The following LOX variants were observed in gnomAD, a reference collection of about 807,000 sequenced individuals.
LOX encodes the protein lysyl oxidase, also known as protein-lysine 6-oxidase.
In LOX, 12 loss-of-function variants were observed where a neutral mutation model predicts 50.5. That is an observed-to-expected ratio of 0.24 (90% CI 0.15 to 0.38). LOX has a LOEUF of 0.38. Among genes scored for constraint, LOX ranks in the 10% least tolerant of loss-of-function variants. The pLI is 1.00. For synonymous variants in LOX, 254 were observed against 230.6 expected (o/e 1.10, Z -0.92); for missense variants, 504 against 563.8 (o/e 0.89, Z 1.07).
At chr5:122,068,174 T>TAAAAAA (rs10650287) in intron 6 of LOX, among the ~76,000 whole-genome samples, 8 of 115,876 alleles carry the variant, frequency 6.9e-5, no homozygotes, top group African/African-American at 2.4e-4. Flanking sequence ...TAATAACTAG[T>TAAAAAA]AAAAAAAAAA....
intron 4 of LOX, 97 bp downstream of exon 4, chr5:122,073,916 G>T: frequency 9.0e-7 from 1 of 1,109,204 alleles, no homozygotes; most frequent in Non-Finnish European, 1.3e-6. Context: ...ATAAAAATGT[G>T]TGTGCTCTTC....
intron 6 of LOX, among the ~76,000 whole-genome samples, chr5:122,067,819 C>T (rs911957486): frequency 6.6e-6 from 1 of 152,040 alleles, no homozygotes; most frequent in African/African-American, 2.4e-5. Context: ...GCTTCCTTTC[C>T]TTAATGCTCC....
chr5:122,067,305 G>GAA (rs535456510), intron 6 of LOX, among the ~76,000 whole-genome samples: 7 of 146,318 alleles, frequency 4.8e-5, no homozygotes, highest in Non-Finnish European at 7.6e-5. Flanking sequence ...TCTGTGAGGA[G>GAA]AAAAAAAAAA....
At chr5:122,069,314 A>G (rs1754387723) in intron 6 of LOX, among the ~76,000 whole-genome samples, 1 of 152,138 alleles carries the variant, frequency 6.6e-6, no homozygotes, top group African/African-American at 2.4e-5. Context: ...TTGGGAAGGC[A>G]TAACTCAAGT....
chr5:122,077,084 C>T lies in LOX; in HGVS notation c.632-83G>A. On this transcript the variant is annotated intron_variant, in intron 1 of 6. Transcript: ENST00000231004. This position sits in a 1 kb window ranked among gnomAD's most constrained non-coding sequence, Gnocchi z 4.9. ...ACTCCCTACCCCTCTAGGTCCCTTA[C>T]TCCTCACCCTTCGCCCACCGGGACT... 6.4e-7 allele frequency: 1 copy of T among 1,556,782 alleles called. No individual in the cohort carries two copies. The highest frequency in any genetic ancestry group is 1.2e-5 in the South Asian group (1 of 86,304).
Position 122,066,738 on chromosome 5 carries a change from G to C in LOX, c.*5C>G. Reference sequence around the variant, plus strand: ...ATTTATCCATTGGGAGTTTTGCTTTGCCTTCTAATACCTAGATTAAGAAGA... The same window carrying C: ...ATTTATCCATTGGGAGTTTTGCTTTCCCTTCTAATACCTAGATTAAGAAGA... On this transcript the variant is annotated 3_prime_UTR_variant, in exon 7 of 7. Transcript: ENST00000231004. The C allele has an allele frequency of 2.5e-6, 4 of 1,599,672 alleles. No homozygotes were observed. The highest frequency in any genetic ancestry group is 3.4e-6 in the Non-Finnish European group (4 of 1,167,784).
chr5:122,068,598 C>T (rs2152586137), intron 6 of LOX, among the ~76,000 whole-genome samples: 1 of 152,190 alleles, frequency 6.6e-6, no homozygotes, highest in African/African-American at 2.4e-5. Context: ...AGACCTGTAC[C>T]TGACAATGGG....
At position 122,065,770 on chromosome 5, in the gene LOX, T is replaced by G. The variant is rs750751568; in HGVS notation, c.*973A>C. 14 of 152,074 alleles carry G rather than the reference T, an allele frequency of 9.2e-5. No individual in the cohort carries two copies. The highest frequency in any genetic ancestry group is 1.8e-4 in the Non-Finnish European group (12 of 67,978). 9.4% of individuals were successfully genotyped at this position (152,074 alleles called of 1,614,324 possible). A position where few individuals can be genotyped will look rare whatever the true frequency, so the allele number is the denominator to read the frequency against. ...ATGTTTTTCAATTTTTTTAAGCTAT[T>G]TGAGAGACAGTTGTGGTTTGGGGGG... On this transcript the variant is annotated 3_prime_UTR_variant, in exon 7 of 7. Coordinates refer to ENST00000231004, the MANE Select transcript of LOX (RefSeq NM_002317.7).
Position 122,070,040 on chromosome 5 carries a change from A to C in LOX, c.1247+13T>G. 2 of 1,571,352 alleles carry C rather than the reference A, an allele frequency of 1.3e-6. No homozygotes were observed. The highest frequency in any genetic ancestry group is 1.8e-6 in the Non-Finnish European group (2 of 1,141,346). ...TGTGACAACAATTACTTAGCTAAGC[A>C]AATAACACTTACGGTGAAATTGTGC... On this transcript the variant is annotated intron_variant, in intron 6 of 6. Transcript: ENST00000231004.
At chr5:122,067,794 G>A (rs1273252961) in intron 6 of LOX, among the ~76,000 whole-genome samples, 5 of 152,066 alleles carry the variant, frequency 3.3e-5, no homozygotes, top group Admixed American at 6.6e-5. Flanking sequence ...TGCCTGTGAC[G>A]TTGACTTGCC....
intron 4 of LOX, among the ~76,000 whole-genome samples, chr5:122,072,082 T>TG (rs1754468296): frequency 6.6e-6 from 1 of 152,186 alleles, no homozygotes. Flanking sequence ...ACTCAATAAG[T>TG]GCTAGTTATT....
chr5:122,065,641 T>C lies in LOX; in HGVS notation c.*1102A>G, dbSNP rs1754278439. 6.6e-6 allele frequency: 1 copy of C among 152,094 alleles called. No individual in the cohort carries two copies. Among genetic ancestry groups the C allele is most frequent in the African/African-American group, 2.4e-5 (1 of 41,432 alleles). The allele number at this position is 152,094 out of a possible 1,614,324, so 9.4% of individuals were successfully genotyped here. On this transcript the variant is annotated 3_prime_UTR_variant, in exon 7 of 7. Transcript: ENST00000231004. ...CACACATGTGTGACTGATTCCTGAA[T>C]AACCCAGGATGATGTTCCTGTGTTC...
chr5:122,076,829 C>T (rs1324862223), intron 2 of LOX, 64 bp downstream of exon 2: 56 of 1,433,806 alleles, frequency 3.9e-5, no homozygotes, highest in Non-Finnish European at 5.3e-5. Flanking sequence ...CAGTCAGAAC[C>T]AGGCACCAGA....
chr5:122,072,395 A>G (rs565796233), intron 4 of LOX, among the ~76,000 whole-genome samples: 31 of 152,336 alleles, frequency 2.0e-4, no homozygotes, highest in African/African-American at 7.0e-4. Context: ...TAAATCAGCA[A>G]TTTGAGTTTT....
chr5:122,067,774 C>A (rs1280844054), intron 6 of LOX, among the ~76,000 whole-genome samples: 2 of 152,116 alleles, frequency 1.3e-5, no homozygotes, highest in Non-Finnish European at 2.9e-5. Context: ...TTTCCTCCTG[C>A]CATGCAAGTT....
rs751836249 is a variant in LOX at position 122,077,647 on chromosome 5, G to A, written c.339C>T (p.Thr113=). Reference sequence around the variant, plus strand: ...GGGCGGTGGGCCTGGGGCGGCCAGCGGTGACTCCAGATGAGCCGGCCGTCC... The same window carrying A: ...GGGCGGTGGGCCTGGGGCGGCCAGCAGTGACTCCAGATGAGCCGGCCGTCC... The part of the protein sequence containing the change: ...RTRTAGSSGV[T]AGRPRPTARH... Residue 113 remains threonine (T), a synonymous_variant, in exon 1 of 7, where the codon ACC becomes ACT. Coordinates refer to ENST00000231004, the MANE Select transcript of LOX (RefSeq NM_002317.7). This position sits in a 1 kb window ranked among gnomAD's most constrained non-coding sequence, Gnocchi z 4.9. 5.6e-6 allele frequency: 9 copies of A among 1,609,662 alleles called. No homozygotes were observed. The South Asian group carries it at 9.9e-5, about 18-fold the overall frequency.
In LOX at chr5:122,077,051, C is replaced by T. The variant is rs1754658963; in HGVS notation, c.632-50G>A. The T allele has an allele frequency of 1.2e-6, 2 of 1,603,102 alleles. No individual in the cohort carries two copies. The highest frequency in any genetic ancestry group is 2.7e-5 in the African/African-American group (2 of 74,880). On this transcript the variant is annotated intron_variant, in intron 1 of 6. Coordinates refer to ENST00000231004, the MANE Select transcript of LOX (RefSeq NM_002317.7). The surrounding 1 kb of genome is among the most constrained non-coding windows in gnomAD (Gnocchi z 4.9). ...CAGCAGTGAAACAACCCGGCGCCCC[C>T]CGCTCCAACTCCCTACCCCTCTAGG...
intron 5 of LOX, 33 bp downstream of exon 5, chr5:122,070,461 A>T: frequency 8.2e-7 from 1 of 1,217,786 alleles, no homozygotes; most frequent in East Asian, 2.3e-5. Context: ...GATCTGCAAT[A>T]TCAATATATG....
Position 122,077,310 on chromosome 5 carries a change from G to A in LOX, c.631+45C>T. 6.2e-7 allele frequency: 1 copy of A among 1,611,898 alleles called. No individual in the cohort carries two copies. The highest frequency in any genetic ancestry group is 8.5e-7 in the Non-Finnish European group (1 of 1,179,364). ...GCCACGTCGAGAAGCCACATAGCTG[G>A]GGACCAGGTGCACGGGTGCTTCCAG... On this transcript the variant is annotated intron_variant, in intron 1 of 6. Coordinates refer to ENST00000231004, the MANE Select transcript of LOX (RefSeq NM_002317.7). This position sits in a 1 kb window ranked among gnomAD's most constrained non-coding sequence, Gnocchi z 4.9.
Sources: gnomAD v4.1 joint callset for allele counts (sites outside exome capture counted in the v4.1 genomes callset) on GRCh38, gnomAD v4.1.1 for gene constraint, Gnocchi (gnomAD v3.1) non-coding constraint, MANE v1.5 for transcripts, NCBI Gene and HGNC (gene_info 2026-07-23, HGNC 2026-07-21) for gene names.